Variants in ADAMTSL1 observed in about 807,000 individuals in gnomAD.
ADAMTSL1 encodes ADAMTS-like protein 1.
In ADAMTSL1, 126 loss-of-function variants were observed where a neutral mutation model predicts 201.8. The observed-to-expected ratio is 0.62, with a 90% CI of 0.54 to 0.72. ADAMTSL1 has a LOEUF of 0.72. Ranked by LOEUF, ADAMTSL1 falls within the 30% of genes least tolerant of loss-of-function variation. The probability of loss-of-function intolerance (pLI) is 0.00; values close to 1 mark genes in which losing one functional copy is unlikely to be tolerated. For missense variants in ADAMTSL1, 2,679 were observed against 2,277.8 expected, an observed-to-expected ratio of 1.18 and a Z score of -3.59; for synonymous variants, 1,121 against 903.4, an observed-to-expected ratio of 1.24 and a Z score of -4.32.
At chr9:18,191,753 T>C (rs1563798249) in intron 2 of ADAMTSL1, among the ~76,000 whole-genome samples, 1 of 152,220 alleles carries the variant, frequency 6.6e-6, no homozygotes, top group African/African-American at 2.4e-5. Flanking sequence ...CATCAATTCT[T>C]AGAGGGCTTT....
At chr9:18,469,438 A>C (rs1217068718), upstream of ADAMTSL1, among the ~76,000 whole-genome samples, 3 of 152,250 alleles carry the variant, frequency 2.0e-5, no homozygotes, top group Non-Finnish European at 4.4e-5. Flanking sequence ...TTTAAGCAGA[A>C]AGTGATGTGT....
chr9:18,860,574 C>CTACTTTGTTTTTAATAATTTTTTG (rs1827150121), intron 23 of ADAMTSL1, among the ~76,000 whole-genome samples: 1 of 151,882 alleles, frequency 6.6e-6, no homozygotes, highest in Non-Finnish European at 1.5e-5. Flanking sequence ...CATCTTTTGA[C>CTACTTTGTTTTTAATAATTTTTTG]TACTTTGTTT....
intron 2 of ADAMTSL1, among the ~76,000 whole-genome samples, chr9:18,385,941 C>T (rs1381801895): frequency 6.6e-6 from 1 of 152,206 alleles, no homozygotes; most frequent in African/African-American, 2.4e-5. Context: ...TTTCTCCCCA[C>T]TTGCACCTTC....
chr9:18,245,646 T>G (rs1049591219), intron 2 of ADAMTSL1, among the ~76,000 whole-genome samples: 2 of 151,852 alleles, frequency 1.3e-5, no homozygotes, highest in Non-Finnish European at 2.9e-5. Flanking sequence ...CAGCCCTCCA[T>G]TGAGTTCCCA....
intron 2 of ADAMTSL1, among the ~76,000 whole-genome samples, chr9:18,333,364 C>T (rs897166915): frequency 1.3e-5 from 2 of 152,102 alleles, no homozygotes; most frequent in Non-Finnish European, 2.9e-5. Flanking sequence ...CTGGCATTTC[C>T]CCTGCTGGCA....
At chr9:18,476,795 G>T (rs1205640631) in intron 1 of ADAMTSL1, among the ~76,000 whole-genome samples, 1 of 152,066 alleles carries the variant, frequency 6.6e-6, no homozygotes, top group Non-Finnish European at 1.5e-5. Context: ...TTTGTGGCAA[G>T]CCCAGTTTCT....
chr9:17,937,878 T>C (rs1460726708), intron 1 of ADAMTSL1, among the ~76,000 whole-genome samples: 1 of 152,176 alleles, frequency 6.6e-6, no homozygotes, highest in Non-Finnish European at 1.5e-5. Flanking sequence ...CAATTCATGT[T>C]TGTTTAATTG....
At chr9:18,726,898 T>A (rs959937969) in intron 15 of ADAMTSL1, among the ~76,000 whole-genome samples, 13 of 152,206 alleles carry the variant, frequency 8.5e-5, no homozygotes, top group Admixed American at 4.6e-4. Flanking sequence ...GCCCTCCCCC[T>A]GCCCCAGCCC....
At chr9:18,043,766 A>C (rs2131641406) in intron 1 of ADAMTSL1, among the ~76,000 whole-genome samples, 1 of 152,200 alleles carries the variant, frequency 6.6e-6, no homozygotes, top group East Asian at 1.9e-4. Context: ...TTGCTAATAA[A>C]AAATAATAAT....
At chr9:18,137,994 C>G (rs1401026296) in intron 1 of ADAMTSL1, among the ~76,000 whole-genome samples, 2 of 152,110 alleles carry the variant, frequency 1.3e-5, no homozygotes, top group Non-Finnish European at 2.9e-5. Context: ...CGGACCAACT[C>G]TCCAGAAGCC....
intron 4 of ADAMTSL1, among the ~76,000 whole-genome samples, chr9:18,578,375 C>T (rs1822874796): frequency 6.6e-6 from 1 of 152,196 alleles, no homozygotes; most frequent in African/African-American, 2.4e-5. Flanking sequence ...TCCCTCTTCA[C>T]CCTGCATCTC....
chr9:18,684,621 G>A (rs1024268672), intron 12 of ADAMTSL1, 95 bp from the exon 13 acceptor site: 21 of 1,381,356 alleles, frequency 1.5e-5, no homozygotes, highest in African/African-American at 4.3e-5. Flanking sequence ...GTTGGTCAAC[G>A]TAGTAACTTC....
chr9:18,740,478 C>T lies in ADAMTSL1; in HGVS notation c.2007-12820C>T, dbSNP rs1037931322. Among the ~76,000 whole-genome samples the T allele has an allele frequency of 1.6e-3, 167 of 105,326 alleles. 2 individuals are homozygous for T. Among genetic ancestry groups the T allele is most frequent in the Non-Finnish European group, 1.9e-3 (100 of 53,072 alleles). The allele number at this position is 105,326 out of a possible 152,430, so 69.1% of individuals were successfully genotyped here. ...CTTTCTTTTTTTTTTTTTCTTTTAT[C>T]TTTTTTTTTTTTTTTTTGAGAGGAG... On this transcript the variant is annotated intron_variant, in intron 15 of 28. Coordinates refer to ENST00000380548, the MANE Select transcript of ADAMTSL1 (RefSeq NM_001040272.6).
chr9:18,354,783 C>T (rs1028843979), intron 2 of ADAMTSL1, among the ~76,000 whole-genome samples: 3 of 152,136 alleles, frequency 2.0e-5, no homozygotes, highest in Admixed American at 1.3e-4. Flanking sequence ...GTCTGGCCAA[C>T]GTATAGTGAA....
At chr9:18,082,212 A>G (rs1823529685) in intron 1 of ADAMTSL1, among the ~76,000 whole-genome samples, 1 of 152,240 alleles carries the variant, frequency 6.6e-6, no homozygotes. Flanking sequence ...TAACATATAG[A>G]GGATAAGAAG....
chr9:18,195,595 C>G (rs1450196876), intron 2 of ADAMTSL1, among the ~76,000 whole-genome samples: 1 of 152,078 alleles, frequency 6.6e-6, no homozygotes, highest in Non-Finnish European at 1.5e-5. Context: ...GATACATTTG[C>G]AAGGAGACAT....
At position 18,501,237 on chromosome 9, in the gene ADAMTSL1, G is replaced by A. The variant is rs184209458; in HGVS notation, c.64-3592G>A. 9.6e-4 allele frequency among the ~76,000 whole-genome samples: 146 copies of A among 152,264 alleles called. 2 individuals are homozygous for A. Among genetic ancestry groups the A allele is most frequent in the South Asian group, 9.1e-3 (44 of 4,814 alleles). On this transcript the variant is annotated intron_variant, in intron 1 of 28. Transcript: ENST00000380548. ...AAGTAAAAGAGAAATGGGGCCGAGC[G>A]TGATGGCTCATGCCTGTAATGCCAG... is the stretch of plus-strand genomic sequence containing the variant.
At chr9:18,139,764 A>G (rs1826319324) in intron 1 of ADAMTSL1, among the ~76,000 whole-genome samples, 1 of 152,162 alleles carries the variant, frequency 6.6e-6, no homozygotes, top group African/African-American at 2.4e-5. Context: ...TCCCACTCAT[A>G]TTGGTCCACT....
At chr9:17,941,740 A>G (rs1228393216) in intron 1 of ADAMTSL1, among the ~76,000 whole-genome samples, 2 of 152,180 alleles carry the variant, frequency 1.3e-5, no homozygotes, top group Non-Finnish European at 2.9e-5. Flanking sequence ...TCAGGCTACT[A>G]TAATACACTA....
Sources: allele counts gnomAD v4.1 joint callset (sites outside exome capture counted in the v4.1 genomes callset), GRCh38; gene constraint gnomAD v4.1.1; transcripts MANE v1.5; gene names NCBI Gene and HGNC (gene_info 2026-07-23, HGNC 2026-07-21).